PRKAR1B: variants seen among roughly 807,000 people sequenced by gnomAD.
PRKAR1B encodes protein kinase cAMP-dependent type I regulatory subunit beta.
PRKAR1B carries 22 observed loss-of-function variants against 46.5 expected under a neutral mutation model. The observed-to-expected ratio is 0.47, with a 90% confidence interval of 0.34 to 0.68. The LOEUF is 0.68. Ranked by LOEUF, PRKAR1B falls within the 30% of genes least tolerant of loss-of-function variation. The pLI, the probability that PRKAR1B is intolerant of heterozygous loss-of-function variation, is 0.01. For synonymous variants in PRKAR1B, 259 were observed against 217.7 expected (o/e 1.19, Z -1.67); for missense variants, 445 against 535.6 (o/e 0.83, Z 1.67).
At chr7:590,622 C>T (rs904599964) in intron 7 of PRKAR1B, among the ~76,000 whole-genome samples, 10 of 152,220 alleles carry the variant, frequency 6.6e-5, no homozygotes, top group African/African-American at 2.4e-4. Flanking sequence ...TCAGTTTCTC[C>T]ATCAGCTCTG....
chr7:678,013 G>A (rs1267773562), intron 3 of PRKAR1B, among the ~76,000 whole-genome samples: 3 of 152,050 alleles, frequency 2.0e-5, no homozygotes, highest in Non-Finnish European at 4.4e-5. Flanking sequence ...GCTCACGCCT[G>A]TAATCCCAGC....
intron 9 of PRKAR1B, among the ~76,000 whole-genome samples, chr7:575,869 G>A (rs1037059782): frequency 4.6e-5 from 7 of 152,186 alleles, no homozygotes; most frequent in Non-Finnish European, 7.3e-5. Context: ...GAGCCACCGT[G>A]CCCAACAGCC....
upstream of PRKAR1B, chr7:727,415 C>T (rs1198774889): frequency 7.3e-6 from 4 of 544,568 alleles, no homozygotes; most frequent in South Asian, 3.7e-4. Context: ...CGGCCCCGCC[C>T]CCCTCCACGC....
At chr7:603,481 A>G (rs1289183238) in intron 6 of PRKAR1B, among the ~76,000 whole-genome samples, 2 of 152,138 alleles carry the variant, frequency 1.3e-5, no homozygotes, top group Non-Finnish European at 2.9e-5. Flanking sequence ...ATTAAGCCAC[A>G]ACCTCCCCCA....
intron 4 of PRKAR1B, among the ~76,000 whole-genome samples, chr7:642,478 C>G (rs903201191): frequency 6.7e-6 from 1 of 148,226 alleles, no homozygotes; most frequent in Non-Finnish European, 1.5e-5. Flanking sequence ...GTAATCCCAG[C>G]ACTTTGGGGG....
In PRKAR1B at chr7:578,095, G is replaced by A. The variant is rs1025107278; in HGVS notation, c.891+1161C>T. ...AACTGACAATGGTGCACGGGTGGGC[G>A]TGGCTTACGGAGAGTGGCTTGCACC... is the stretch of plus-strand genomic sequence containing the variant. On this transcript the variant is annotated intron_variant, in intron 9 of 10. Coordinates refer to ENST00000537384, the MANE Select transcript of PRKAR1B (RefSeq NM_001164760.2). Among the ~76,000 whole-genome samples, 24 of 152,232 alleles carry A rather than the reference G, an allele frequency of 1.6e-4. 1 individual carries two copies. Among genetic ancestry groups the A allele is most frequent in the East Asian group, 9.6e-4 (5 of 5,200 alleles).
intron 4 of PRKAR1B, among the ~76,000 whole-genome samples, chr7:617,803 G>A (rs568941478): frequency 6.6e-6 from 1 of 152,212 alleles, no homozygotes; most frequent in Non-Finnish European, 1.5e-5. Context: ...CAGGTCGGAC[G>A]GAAAGCAAAC....
In PRKAR1B at chr7:637,243, T is replaced by C. The variant is rs547892658; in HGVS notation, c.441-29791A>G. ...CAGAGGTCTAGCCTACATGGTGAAA[T>C]CCCGTCTCTAACTAAAAATACAAAA... On this transcript the variant is annotated intron_variant, in intron 4 of 10. Transcript: ENST00000537384. Among the ~76,000 whole-genome samples the C allele has an allele frequency of 6.0e-4, 91 of 151,752 alleles. 1 individual carries two copies. The South Asian group carries it at 0.018, about 30-fold the overall frequency.
chr7:568,707 G>A (rs112742331), intron 9 of PRKAR1B, among the ~76,000 whole-genome samples: 14 of 152,278 alleles, frequency 9.2e-5, no homozygotes, highest in African/African-American at 3.4e-4. Context: ...CCAGAACTGC[G>A]CATCTGTTAG....
chr7:652,946 G>A (rs1289557531), intron 4 of PRKAR1B, among the ~76,000 whole-genome samples: 1 of 152,204 alleles, frequency 6.6e-6, no homozygotes. Context: ...TCCACACAGG[G>A]TGGTTGGTGG....
intron 9 of PRKAR1B, among the ~76,000 whole-genome samples, chr7:572,806 T>C (rs534379379): frequency 6.8e-4 from 103 of 152,274 alleles, no homozygotes; most frequent in Non-Finnish European, 1.5e-4. Context: ...TGAGGCCTCA[T>C]GCACAGGGCA....
chr7:624,974 C>G (rs983350380), intron 4 of PRKAR1B, among the ~76,000 whole-genome samples: 1 of 152,186 alleles, frequency 6.6e-6, no homozygotes, highest in African/African-American at 2.4e-5. Context: ...TTCTCAAGCT[C>G]ACATGAAACA....
At chr7:605,580 G>GCCA (rs1349650209) in intron 6 of PRKAR1B, among the ~76,000 whole-genome samples, 2 of 152,178 alleles carry the variant, frequency 1.3e-5, no homozygotes, top group African/African-American at 4.8e-5. Context: ...ACATGGCCTG[G>GCCA]CCATCGGGCA....
intron 4 of PRKAR1B, among the ~76,000 whole-genome samples, chr7:639,620 C>T (rs1451045195): frequency 1.3e-5 from 2 of 152,068 alleles, no homozygotes; most frequent in African/African-American, 4.8e-5. Context: ...GAGGCCAAGG[C>T]GGGAGGATGG....
chr7:564,134 C>A (rs564322688), intron 9 of PRKAR1B, among the ~76,000 whole-genome samples: 1 of 152,290 alleles, frequency 6.6e-6, no homozygotes, highest in East Asian at 1.9e-4. Flanking sequence ...CACGCAGCCA[C>A]CACCCATCAT....
At chr7:678,540 G>A (rs1778471148) in intron 3 of PRKAR1B, among the ~76,000 whole-genome samples, 1 of 152,184 alleles carries the variant, frequency 6.6e-6, no homozygotes, top group African/African-American at 2.4e-5. Context: ...TGAATGAGAA[G>A]CACTACGAAC....
intron 4 of PRKAR1B, among the ~76,000 whole-genome samples, chr7:657,914 C>T (rs2128493261): frequency 6.6e-6 from 1 of 152,276 alleles, no homozygotes; most frequent in Admixed American, 6.5e-5. Flanking sequence ...GTAATTCCCA[C>T]TGAGCCCAGC....
At chr7:631,956 C>CAA (rs35750745) in intron 4 of PRKAR1B, among the ~76,000 whole-genome samples, 26 of 147,924 alleles carry the variant, frequency 1.8e-4, no homozygotes, top group East Asian at 4.0e-4. Flanking sequence ...GACCCTGTCT[C>CAA]AAAAAAAAAA....
At chr7:707,060 G>C (rs1183860076) in intron 2 of PRKAR1B, among the ~76,000 whole-genome samples, 1 of 152,198 alleles carries the variant, frequency 6.6e-6, no homozygotes, top group Non-Finnish European at 1.5e-5. Flanking sequence ...GCACCTCACT[G>C]GTCCAGAACA....
Sources: gnomAD v4.1 joint callset for allele counts (sites outside exome capture counted in the v4.1 genomes callset) on GRCh38, gnomAD v4.1.1 for gene constraint, MANE v1.5 for transcripts, NCBI Gene and HGNC (gene_info 2026-07-23, HGNC 2026-07-21) for gene names.